GRIN2B: variants seen among roughly 807,000 people sequenced by gnomAD.
The protein encoded by GRIN2B is glutamate ionotropic receptor NMDA type subunit 2B.
In GRIN2B, 5 loss-of-function variants were observed where a neutral mutation model predicts 114.5. That is an observed-to-expected ratio of 0.04 (90% CI 0.02 to 0.09). The LOEUF is 0.09. Ranked by LOEUF, GRIN2B falls within the 10% of genes least tolerant of loss-of-function variation. The probability of loss-of-function intolerance (pLI) is 1.00; values close to 1 mark genes in which losing one functional copy is unlikely to be tolerated. For missense variants in GRIN2B, 1,108 were observed against 1,943.5 expected, an observed-to-expected ratio of 0.57 and a Z score of 8.08; for synonymous variants, 787 against 745.1, an observed-to-expected ratio of 1.06 and a Z score of -0.92.
In GRIN2B at chr12:13,897,951, T is replaced by A. The variant is rs142939422; in HGVS notation, c.-18-31725A>T. ...CTACCCTCCCAATATGTAACTAACC[T>A]GTACATTCTGCACATGTACCCTAAA... is the stretch of plus-strand genomic sequence containing the variant. On this transcript the variant is annotated intron_variant, in intron 2 of 13. Transcript: ENST00000609686. Among the ~76,000 whole-genome samples the A allele has an allele frequency of 4.6e-5, 7 of 151,238 alleles. No homozygotes were observed. The East Asian group carries it at 1.2e-3, about 25-fold the overall frequency.
intron 2 of GRIN2B, among the ~76,000 whole-genome samples, chr12:13,889,860 T>C (rs936377929): frequency 1.3e-5 from 2 of 152,224 alleles, no homozygotes; most frequent in Admixed American, 6.5e-5. Context: ...TGGTAACAGA[T>C]ACAGAGATGT....
intron 2 of GRIN2B, among the ~76,000 whole-genome samples, chr12:13,940,314 GA>G (rs1867217679): frequency 6.6e-6 from 1 of 152,060 alleles, no homozygotes; most frequent in Admixed American, 6.6e-5. Flanking sequence ...ATGATTTATG[GA>G]AAAGCAGAAT....
At chr12:13,857,196 G>A (rs1334557353) in intron 3 of GRIN2B, among the ~76,000 whole-genome samples, 1 of 152,166 alleles carries the variant, frequency 6.6e-6, no homozygotes, top group Non-Finnish European at 1.5e-5. Flanking sequence ...GAGCATCAAG[G>A]AAAGCTTTCA....
At chr12:13,943,981 T>C (rs1003380376) in intron 2 of GRIN2B, among the ~76,000 whole-genome samples, 1 of 152,190 alleles carries the variant, frequency 6.6e-6, no homozygotes, top group African/African-American at 2.4e-5. Flanking sequence ...AATAAGTATC[T>C]ACTGAATTAA....
intron 2 of GRIN2B, among the ~76,000 whole-genome samples, chr12:13,948,767 G>A (rs751450808): frequency 6.6e-6 from 1 of 152,230 alleles, no homozygotes; most frequent in Non-Finnish European, 1.5e-5. Context: ...AGACTCAAAA[G>A]TTGTGGTGCT....
intron 3 of GRIN2B, among the ~76,000 whole-genome samples, chr12:13,818,980 C>A (rs1245598991): frequency 1.3e-5 from 2 of 152,178 alleles, no homozygotes; most frequent in African/African-American, 2.4e-5. Context: ...GCTTTATAAG[C>A]TCAACTGTGT....
chr12:13,849,984 C>T (rs114752827), intron 3 of GRIN2B, among the ~76,000 whole-genome samples: 14 of 152,276 alleles, frequency 9.2e-5, no homozygotes, highest in African/African-American at 2.6e-4. Context: ...GATAAGCAAG[C>T]CTCTGATTAT....
At chr12:13,567,496 C>T (rs575674045) in intron 12 of GRIN2B, among the ~76,000 whole-genome samples, 12 of 152,224 alleles carry the variant, frequency 7.9e-5, no homozygotes, top group South Asian at 2.1e-4. Context: ...ACATGAGTAC[C>T]GCAGGCGATA....
At chr12:13,671,742 C>T (rs1233452089) in intron 5 of GRIN2B, among the ~76,000 whole-genome samples, 1 of 152,110 alleles carries the variant, frequency 6.6e-6, no homozygotes, top group Non-Finnish European at 1.5e-5. Flanking sequence ...TCTAGTTCTC[C>T]TAAGCATACA....
At chr12:13,761,830 T>G (rs182482128) in intron 3 of GRIN2B, among the ~76,000 whole-genome samples, 14 of 152,026 alleles carry the variant, frequency 9.2e-5, no homozygotes, top group African/African-American at 3.1e-4. Context: ...AAAAATGAAA[T>G]GAATAGAGAA....
At chr12:13,906,820 T>C (rs1412032293) in intron 2 of GRIN2B, among the ~76,000 whole-genome samples, 1 of 152,208 alleles carries the variant, frequency 6.6e-6, no homozygotes, top group Non-Finnish European at 1.5e-5. Context: ...TAATTTGAAA[T>C]TTTAGTATTT....
chr12:13,902,864 C>A (rs970635516), intron 2 of GRIN2B, among the ~76,000 whole-genome samples: 2 of 152,014 alleles, frequency 1.3e-5, no homozygotes, highest in Non-Finnish European at 2.9e-5. Flanking sequence ...CAAGACTTGC[C>A]AATGAAGCTA....
chr12:13,748,641 C>T (rs1041931959), intron 4 of GRIN2B, among the ~76,000 whole-genome samples: 27 of 152,294 alleles, frequency 1.8e-4, no homozygotes, highest in Admixed American at 1.6e-3. Flanking sequence ...AATTCTCCAG[C>T]CCTTTCAATC....
intron 2 of GRIN2B, among the ~76,000 whole-genome samples, chr12:13,883,684 G>C (rs796757778): frequency 3.9e-5 from 6 of 152,012 alleles, no homozygotes; most frequent in African/African-American, 1.4e-4. Context: ...ACATATTCTA[G>C]ATATGTCCTT....
Position 13,548,196 on chromosome 12 carries a change from T to C in GRIN2B, c.*14587A>G. The stretch of plus-strand genomic sequence containing the variant: ...GGGCTCTAAAATTGAGCTTATCTTC[T>C]CTGTCTTTCATAGGATAGCTAAGCA... On this transcript the variant is annotated 3_prime_UTR_variant, in exon 14 of 14. Transcript: ENST00000609686. 1 of 151,838 alleles carries C rather than the reference T, an allele frequency of 6.6e-6. No homozygotes were observed. Among genetic ancestry groups the C allele is most frequent in the Admixed American group, 6.6e-5 (1 of 15,238 alleles). 9.4% of individuals were successfully genotyped at this position (151,838 alleles called of 1,614,324 possible). A position where few individuals can be genotyped will look rare whatever the true frequency, so the allele number is the denominator to read the frequency against.
At chr12:13,847,364 AT>A (rs1865488794) in intron 3 of GRIN2B, among the ~76,000 whole-genome samples, 1 of 152,116 alleles carries the variant, frequency 6.6e-6, no homozygotes, top group African/African-American at 2.4e-5. Flanking sequence ...TCCCACAGAG[AT>A]AGGGCATTAT....
intron 2 of GRIN2B, among the ~76,000 whole-genome samples, chr12:13,882,266 C>T (rs986232699): frequency 1.3e-5 from 2 of 152,132 alleles, no homozygotes; most frequent in Non-Finnish European, 2.9e-5. Context: ...AGAGATCTGT[C>T]CTTTGGACAA....
At chr12:13,700,095 C>T (rs1478382376) in intron 4 of GRIN2B, among the ~76,000 whole-genome samples, 5 of 152,184 alleles carry the variant, frequency 3.3e-5, no homozygotes, top group East Asian at 3.9e-4. Context: ...GGCAGTAATA[C>T]GCTGTCTGTC....
At chr12:13,768,881 A>G (rs145416085) in intron 3 of GRIN2B, among the ~76,000 whole-genome samples, 3,326 of 152,196 alleles carry the variant, frequency 0.022, 308 homozygotes, top group Admixed American at 0.17. Context: ...AAAAATACAA[A>G]AAATTAGCCT....
Sources: gnomAD v4.1 joint callset for allele counts (sites outside exome capture counted in the v4.1 genomes callset) on GRCh38, gnomAD v4.1.1 for gene constraint, MANE v1.5 for transcripts, NCBI Gene and HGNC (gene_info 2026-07-23, HGNC 2026-07-21) for gene names.